The following PCDHA1 variants were observed in gnomAD, a reference collection of about 807,000 sequenced individuals.
The protein encoded by PCDHA1 is protocadherin alpha 1.
Under a neutral mutation model 61.3 loss-of-function variants are expected in PCDHA1, and 42 were observed. That is an observed-to-expected ratio of 0.69 (90% CI 0.54 to 0.89). The LOEUF (loss-of-function observed/expected upper bound fraction) is 0.89, where lower values mean the gene tolerates loss of function less well. PCDHA1 is among the 40% of genes least tolerant of loss of function. The pLI, the probability that PCDHA1 is intolerant of heterozygous loss-of-function variation, is 0.00. For synonymous variants in PCDHA1, 610 were observed against 553.8 expected, an observed-to-expected ratio of 1.10 and a Z score of -1.43; for missense variants, 1,256 against 1,235.3, an observed-to-expected ratio of 1.02 and a Z score of -0.25.
chr5:141,008,074 G>A (rs1484978543), intron 3 of PCDHA1, among the ~76,000 whole-genome samples: 1 of 151,988 alleles, frequency 6.6e-6, no homozygotes, highest in Non-Finnish European at 1.5e-5. Flanking sequence ...AGAACTTATT[G>A]GGGTTATTCT....
At chr5:140,871,141 C>A (rs1431247385) in intron 1 of PCDHA1, 2 of 1,613,438 alleles carry the variant, frequency 1.2e-6, no homozygotes, top group Non-Finnish European at 1.7e-6. Context: ...GGCCTCTTCC[C>A]GGACTTTGGC....
chr5:140,856,008 G>A, intron 1 of PCDHA1: 1 of 1,542,308 alleles, frequency 6.5e-7, no homozygotes, highest in Middle Eastern at 1.7e-4. Flanking sequence ...GTGCGTTCTA[G>A]ACCGCTGATT....
Position 140,928,944 on chromosome 5 carries a change from A to C in PCDHA1, c.2395-50005A>C, listed in dbSNP as rs782627710. The C allele has an allele frequency of 6.2e-6, 10 of 1,614,070 alleles. No homozygotes were observed. In the Admixed American group the frequency reaches 1.7e-4, roughly 27 times the overall value. On this transcript the variant is annotated intron_variant, in intron 1 of 3. Transcript: ENST00000504120. ...AGCTTTCTGCCCAGAACTTGTATTTAGTAATTGCCTTGGCTTGTATTTCCT... is the reference window on the plus strand; with the variant it reads ...AGCTTTCTGCCCAGAACTTGTATTTCGTAATTGCCTTGGCTTGTATTTCCT...
At chr5:140,871,172 C>A in intron 1 of PCDHA1, 1 of 1,613,546 alleles carries the variant, frequency 6.2e-7, no homozygotes, top group South Asian at 1.1e-5. Context: ...AGCCCAGAGG[C>A]TGCGCTGGTG....
rs868938085 is a variant in PCDHA1, at chr5:140,882,236, T to C, written c.2394+93552T>C. On this transcript the variant is annotated intron_variant, in intron 1 of 3. Coordinates refer to ENST00000504120, the MANE Select transcript of PCDHA1 (RefSeq NM_018900.4). ...AGTTTGAGGTAAGGCGTTGTATATA[T>C]TGCAGATAGCTCTGAGGTTTTTGGA... 7.6e-6 allele frequency: 12 copies of C among 1,581,516 alleles called. 1 individual carries two copies. The Middle Eastern group carries it at 1.0e-3, about 134-fold the overall frequency.
At chr5:140,841,102 G>A (rs2150311111) in intron 1 of PCDHA1, 21 of 575,248 alleles carry the variant, frequency 3.7e-5, no homozygotes, top group Non-Finnish European at 9.0e-6. Flanking sequence ...CAGATATTGC[G>A]GAAGTAATTC....
Position 141,011,434 on chromosome 5 carries a change from C to T in PCDHA1, c.*1497C>T, listed in dbSNP as rs934032017. The T allele has an allele frequency of 6.5e-6, 1 of 153,726 alleles. No homozygotes were observed. Among genetic ancestry groups the T allele is most frequent in the Non-Finnish European group, 1.5e-5 (1 of 68,038 alleles). 9.5% of individuals were successfully genotyped at this position (153,726 alleles called of 1,614,324 possible). ...ATGTGAATGTTAATGCAACTATTAC[C>T]TAGAGTGAACTTTAAGCTTTATTGT... On this transcript the variant is annotated 3_prime_UTR_variant, in exon 4 of 4. Coordinates refer to ENST00000504120, the MANE Select transcript of PCDHA1 (RefSeq NM_018900.4).
At chr5:140,930,582 T>C in intron 1 of PCDHA1, 1 of 152,540 alleles carries the variant, frequency 6.6e-6, no homozygotes, top group East Asian at 1.9e-4. Flanking sequence ...GTATTACTTT[T>C]TGACTTCTCA....
intron 1 of PCDHA1, chr5:140,835,801 A>T: frequency 6.2e-7 from 1 of 1,613,074 alleles, no homozygotes; most frequent in Non-Finnish European, 8.5e-7. Context: ...CCGGGCTGCC[A>T]CATCTTCACT....
rs1375080438 is a variant in PCDHA1, at chr5:140,807,601, G to T, written c.2394+18917G>T. 3 of 1,614,072 alleles carry T rather than the reference G, an allele frequency of 1.9e-6. No individual in the cohort carries two copies. The African/African-American group carries it at 4.0e-5, about 22-fold the overall frequency. ...CGCCGGTGTTCCCAGCAACACAAAA[G>T]AACCTGTCCATCGCGGAATCCAGGC... On this transcript the variant is annotated intron_variant, in intron 1 of 3. Coordinates refer to ENST00000504120, the MANE Select transcript of PCDHA1 (RefSeq NM_018900.4).
chr5:140,896,564 A>G (rs1475217228), intron 1 of PCDHA1, among the ~76,000 whole-genome samples: 1 of 150,096 alleles, frequency 6.7e-6, no homozygotes, highest in African/African-American at 2.5e-5. Flanking sequence ...TTAAGTAGAG[A>G]TGGGGTTTTG....
chr5:140,884,791 C>T, intron 1 of PCDHA1: 1 of 1,319,574 alleles, frequency 7.6e-7, no homozygotes, highest in Non-Finnish European at 1.0e-6. Context: ...TAGTTGTTAT[C>T]GAATTTAACA....
At chr5:140,804,598 G>T (rs1763418204) in intron 1 of PCDHA1, 1 of 152,482 alleles carries the variant, frequency 6.6e-6, no homozygotes, top group African/African-American at 2.4e-5. Context: ...ATAAGCCAAT[G>T]TTATAATGTT....
chr5:140,801,755 T>C (rs1554121669), intron 1 of PCDHA1: 2 of 1,613,940 alleles, frequency 1.2e-6, no homozygotes, highest in Admixed American at 1.7e-5. Flanking sequence ...AAAGAAATGA[T>C]GAGGAAATTA....
intron 3 of PCDHA1, among the ~76,000 whole-genome samples, chr5:140,990,502 A>T (rs1303617067): frequency 6.6e-6 from 1 of 152,164 alleles, no homozygotes; most frequent in African/African-American, 2.4e-5. Context: ...ACATTCCCCA[A>T]GTCTTCTCTC....
At chr5:140,893,264 A>G (rs1554185566) in intron 1 of PCDHA1, among the ~76,000 whole-genome samples, 1 of 152,172 alleles carries the variant, frequency 6.6e-6, no homozygotes, top group East Asian at 1.9e-4. Flanking sequence ...ATAAATGCCC[A>G]ATAGTGGAAT....
In PCDHA1 at chr5:140,805,522, C is replaced by G. The variant is rs548856150; in HGVS notation, c.2394+16838C>G. 2,936 of 986,646 alleles carry G rather than the reference C, an allele frequency of 3.0e-3. 6 individuals carry two copies. Among genetic ancestry groups the G allele is most frequent in the Middle Eastern group, 4.7e-3 (9 of 1,926 alleles). The allele number at this position is 986,646 out of a possible 1,614,324, so 61.1% of individuals were successfully genotyped here. On this transcript the variant is annotated intron_variant, in intron 1 of 3. Coordinates refer to ENST00000504120, the MANE Select transcript of PCDHA1 (RefSeq NM_018900.4). ...TCACTAGATTGATTTTTTGTTTAGACAAACAGGATGAAAATAACTTTATGG... is the reference window on the plus strand; with the variant it reads ...TCACTAGATTGATTTTTTGTTTAGAGAAACAGGATGAAAATAACTTTATGG...
chr5:140,840,858 A>G (rs1200683649), intron 1 of PCDHA1, among the ~76,000 whole-genome samples: 2 of 152,006 alleles, frequency 1.3e-5, no homozygotes, highest in Non-Finnish European at 2.9e-5. Context: ...TCCACACGAA[A>G]CTATGGAGGA....
intron 1 of PCDHA1, chr5:140,800,950 A>C (rs1762617449): frequency 4.5e-6 from 5 of 1,105,698 alleles, no homozygotes; most frequent in Non-Finnish European, 1.2e-6. Flanking sequence ...TTCAAACGAC[A>C]TACAAGGAAA....
Sources: allele counts gnomAD v4.1 joint callset (sites outside exome capture counted in the v4.1 genomes callset), GRCh38; gene constraint gnomAD v4.1.1; transcripts MANE v1.5; gene names NCBI Gene and HGNC (gene_info 2026-07-23, HGNC 2026-07-21).